Variants in RAPGEF4 observed in about 807,000 individuals in gnomAD.
RAPGEF4 encodes Rap guanine nucleotide exchange factor 4.
In RAPGEF4, 66 loss-of-function variants were observed where a neutral mutation model predicts 147.9. That is an observed-to-expected ratio of 0.45 (90% CI 0.37 to 0.55). The LOEUF (loss-of-function observed/expected upper bound fraction) is 0.55. Ranked by LOEUF, RAPGEF4 falls within the 20% of genes least tolerant of loss-of-function variation. The probability of loss-of-function intolerance (pLI) is 0.00; values close to 1 mark genes in which losing one functional copy is unlikely to be tolerated. For synonymous variants in RAPGEF4, 419 were observed against 442.7 expected, an observed-to-expected ratio of 0.95 and a Z score of 0.67; for missense variants, 1,071 against 1,257.3, an observed-to-expected ratio of 0.85 and a Z score of 2.24.
At chr2:173,023,840 G>A (rs763909901) in intron 23 of RAPGEF4, among the ~76,000 whole-genome samples, 20 of 152,214 alleles carry the variant, frequency 1.3e-4, no homozygotes, top group Admixed American at 5.9e-4. Context: ...CAGGAATAAC[G>A]TAGGAGGGGC....
chr2:172,755,173 T>C (rs552077654), intron 1 of RAPGEF4, among the ~76,000 whole-genome samples: 2 of 152,284 alleles, frequency 1.3e-5, no homozygotes, highest in East Asian at 1.9e-4. Flanking sequence ...AGCAGACTTT[T>C]GATGAGAAGT....
At chr2:172,769,070 G>C (rs554081022) in intron 1 of RAPGEF4, among the ~76,000 whole-genome samples, 91 of 152,304 alleles carry the variant, frequency 6.0e-4, no homozygotes, top group Middle Eastern at 6.8e-3. Flanking sequence ...ATGGTGGAAG[G>C]GGGAGAACTA....
chr2:172,752,867 C>T (rs930313514), intron 1 of RAPGEF4, among the ~76,000 whole-genome samples: 2 of 152,200 alleles, frequency 1.3e-5, no homozygotes, highest in African/African-American at 2.4e-5. Flanking sequence ...GTGAATGAAC[C>T]TTATCTGTTC....
At chr2:172,965,309 T>C in intron 8 of RAPGEF4, 1 of 499,066 alleles carries the variant, frequency 2.0e-6, no homozygotes, top group Non-Finnish European at 3.6e-6. Context: ...TGGTCTCCCC[T>C]GGTGCTACAA....
In RAPGEF4 at chr2:172,736,064, C is replaced by T; in HGVS notation, c.65+16C>T. Reference sequence around the variant, plus strand: ...TGGATAAAAGGTAGCTCGCCGGGGGCCGCAGCCGGGGGCCGAGCTCTGCGG... The same window carrying T: ...TGGATAAAAGGTAGCTCGCCGGGGGTCGCAGCCGGGGGCCGAGCTCTGCGG... On this transcript the variant is annotated intron_variant, in intron 1 of 30. Coordinates refer to ENST00000397081, the MANE Select transcript of RAPGEF4 (RefSeq NM_007023.4). 1 of 1,458,210 alleles carries T rather than the reference C, an allele frequency of 6.9e-7. No homozygotes were observed. The highest frequency in any genetic ancestry group is 9.1e-7 in the Non-Finnish European group (1 of 1,101,248). The allele number at this position is 1,458,210 out of a possible 1,614,324, so 90.3% of individuals were successfully genotyped here.
intron 4 of RAPGEF4, among the ~76,000 whole-genome samples, chr2:172,885,361 C>T (rs142718224): frequency 6.5e-4 from 99 of 152,336 alleles, no homozygotes; most frequent in African/African-American, 2.3e-3. Flanking sequence ...AAGACCTGGT[C>T]TCTGGGTCTG....
chr2:173,036,750 T>G (rs757101753), intron 29 of RAPGEF4, 58 bp downstream of exon 29: 66 of 1,308,144 alleles, frequency 5.0e-5, no homozygotes, highest in Non-Finnish European at 7.0e-5. Flanking sequence ...ATTTGCATTT[T>G]TTCTAATAAA....
chr2:173,048,934 G>A, intron 30 of RAPGEF4, among the ~76,000 whole-genome samples: 1 of 152,162 alleles, frequency 6.6e-6, no homozygotes, highest in East Asian at 1.9e-4. Flanking sequence ...AGTGCAGCTG[G>A]AGACAACTAA....
chr2:172,916,631 T>C (rs150297876), intron 4 of RAPGEF4, among the ~76,000 whole-genome samples: 1 of 152,288 alleles, frequency 6.6e-6, no homozygotes, highest in East Asian at 1.9e-4. Context: ...ATGGTTTTAA[T>C]GTTTGCATGC....
At chr2:172,738,364 T>C (rs1331607372) in intron 1 of RAPGEF4, among the ~76,000 whole-genome samples, 4 of 151,934 alleles carry the variant, frequency 2.6e-5, no homozygotes, top group African/African-American at 9.7e-5. Context: ...GTAGGGGAGA[T>C]TGGTGGTGGG....
chr2:172,954,587 C>A (rs1341682559), intron 6 of RAPGEF4, among the ~76,000 whole-genome samples: 3 of 152,242 alleles, frequency 2.0e-5, no homozygotes, highest in African/African-American at 7.2e-5. Context: ...GTAGTGAAAT[C>A]TGCCTATGAG....
At chr2:172,995,460 A>C (rs1693257312) in intron 15 of RAPGEF4, among the ~76,000 whole-genome samples, 1 of 152,048 alleles carries the variant, frequency 6.6e-6, no homozygotes, top group South Asian at 2.1e-4. Flanking sequence ...TTTGTATTTT[A>C]GTAGAGACGG....
At chr2:172,878,027 G>C (rs1575114640) in intron 4 of RAPGEF4, among the ~76,000 whole-genome samples, 1 of 152,162 alleles carries the variant, frequency 6.6e-6, no homozygotes, top group African/African-American at 2.4e-5. Flanking sequence ...TTACTAATTT[G>C]CTGTGGGAGG....
At chr2:173,000,941 G>A (rs1007096869) in intron 16 of RAPGEF4, among the ~76,000 whole-genome samples, 17 of 151,404 alleles carry the variant, frequency 1.1e-4, no homozygotes, top group Non-Finnish European at 2.4e-4. Flanking sequence ...CCATGTCTTC[G>A]TTCTGCATGT....
At chr2:173,044,338 G>A (rs1050143313) in intron 29 of RAPGEF4, among the ~76,000 whole-genome samples, 1 of 152,142 alleles carries the variant, frequency 6.6e-6, no homozygotes, top group Admixed American at 6.5e-5. Flanking sequence ...GCTGGTTTGG[G>A]CTGGTTTCTT....
intron 21 of RAPGEF4, among the ~76,000 whole-genome samples, chr2:173,018,158 G>A (rs1193829926): frequency 1.3e-5 from 2 of 152,168 alleles, no homozygotes; most frequent in East Asian, 1.9e-4. Context: ...ATCTAAGTCT[G>A]CTGAGCTAAA....
intron 6 of RAPGEF4, among the ~76,000 whole-genome samples, chr2:172,958,867 A>G (rs1382596179): frequency 1.3e-5 from 2 of 152,194 alleles, no homozygotes; most frequent in Non-Finnish European, 2.9e-5. Flanking sequence ...CCTTAATTCT[A>G]TTATAAATCA....
chr2:172,784,486 C>G (rs1376579158), intron 1 of RAPGEF4, among the ~76,000 whole-genome samples: 1 of 151,122 alleles, frequency 6.6e-6, no homozygotes, highest in African/African-American at 2.4e-5. Context: ...CCACTGCACT[C>G]CAGCCTGGGC....
chr2:172,783,217 C>T (rs149855461), intron 1 of RAPGEF4, among the ~76,000 whole-genome samples: 9 of 152,176 alleles, frequency 5.9e-5, no homozygotes, highest in East Asian at 1.9e-4. Flanking sequence ...ATCCATCGGC[C>T]GAGGACAGAG....
Sources: gnomAD v4.1 joint callset for allele counts (sites outside exome capture counted in the v4.1 genomes callset) on GRCh38, gnomAD v4.1.1 for gene constraint, MANE v1.5 for transcripts, NCBI Gene and HGNC (gene_info 2026-07-23, HGNC 2026-07-21) for gene names.